ATP1A3: variants seen among roughly 807,000 people sequenced by gnomAD.
ATP1A3 encodes the protein ATPase Na+/K+ transporting subunit alpha 3.
In ATP1A3, 12 loss-of-function variants were observed where a neutral mutation model predicts 108.8. That is an observed-to-expected ratio of 0.11 (90% CI 0.07 to 0.18). ATP1A3 has a LOEUF of 0.18. Ranked by LOEUF, ATP1A3 falls within the 10% of genes least tolerant of loss-of-function variation. ATP1A3 has a pLI of 1.00. For missense variants in ATP1A3, 498 were observed against 1,387.7 expected, an observed-to-expected ratio of 0.36 and a Z score of 10.19; for synonymous variants, 539 against 564.5, an observed-to-expected ratio of 0.95 and a Z score of 0.64.
At chr19:41,982,483 G>A (rs1196115738) in intron 8 of ATP1A3, among the ~76,000 whole-genome samples, 2 of 152,032 alleles carry the variant, frequency 1.3e-5, no homozygotes, top group Non-Finnish European at 2.9e-5. Flanking sequence ...GAAATTAGCA[G>A]GGCATGATGG....
In ATP1A3 at chr19:41,984,956, C is replaced by T; in HGVS notation, c.955G>A (p.Val319Met). The T allele has an allele frequency of 6.2e-7, 1 of 1,613,828 alleles. No homozygotes were observed. The highest frequency in any genetic ancestry group is 8.5e-7 in the Non-Finnish European group (1 of 1,179,912). Residue 319 changes from valine (V) to methionine (M), a missense_variant, in exon 8 of 23, where the codon GTG becomes ATG. Val to Met is a conservative substitution (Grantham distance 21). Transcript: ENST00000648268. ...EAVIFLIGII[V>M]ANVPEGLLAT... ...AGCAGACCCTCTGGGACATTGGCCACGATGATGCCGATGAGGAAGATGACA... is the reference window on the plus strand; with the variant it reads ...AGCAGACCCTCTGGGACATTGGCCATGATGATGCCGATGAGGAAGATGACA...
Position 41,976,531 on chromosome 19 carries a change from A to T in ATP1A3, c.1979T>A (p.Leu660His). ...GATTTGCTCGGAGGTGAAGTCCTTG[A>T]GGTCGGTGCCGTGGATCACGCAGGC... Reference protein sequence around the residue: ...AKACVIHGTDLKDFTSEQIDE... With the variant: ...AKACVIHGTDHKDFTSEQIDE... The change falls in exon 15 of 23, where the codon CTC becomes CAC. Residue 660 changes from leucine (L) to histidine (H), a missense_variant. Leu to His is a moderately conservative substitution (Grantham distance 99). Transcript: ENST00000648268. 1 of 1,614,134 alleles carries T rather than the reference A, an allele frequency of 6.2e-7. No individual in the cohort carries two copies. The highest frequency in any genetic ancestry group is 1.6e-4 in the Middle Eastern group (1 of 6,062).
chr19:41,991,678 G>T (rs1277601488), intron 1 of ATP1A3, among the ~76,000 whole-genome samples: 1 of 152,144 alleles, frequency 6.6e-6, no homozygotes, highest in Non-Finnish European at 1.5e-5. Flanking sequence ...GATGCTCGGG[G>T]CCCCATAAAT....
chr19:41,968,909 C>T lies in ATP1A3; in HGVS notation c.2695G>A (p.Glu899Lys). The T allele has an allele frequency of 1.2e-6, 2 of 1,613,834 alleles. No individual in the cohort carries two copies. Among genetic ancestry groups the T allele is most frequent in the Non-Finnish European group, 1.7e-6 (2 of 1,179,818 alleles). ...EDSYGQQWTY[E>K]QRKVVEFTCH... is the part of the protein sequence containing the mutation. ...GTGAACTCCACCACCTTCCTCTGCT[C>T]GTATGTCTGCAGGAGCGGTGACCAG... The change falls in exon 20 of 23, where the codon GAG becomes AAG. Residue 899 changes from glutamate to lysine, a missense_variant. Glu to Lys is a moderately conservative substitution (Grantham distance 56). Around this residue, in one of 9 missense-constraint regions of ATP1A3, gnomAD observed 121 missense variants for 425.1 expected, o/e 0.28. Transcript: ENST00000648268. This position sits in a 1 kb window ranked among gnomAD's most constrained non-coding sequence, Gnocchi z 5.0.
At chr19:41,986,464 A>T in intron 4 of ATP1A3, 1 of 419,088 alleles carries the variant, frequency 2.4e-6, no homozygotes, top group Non-Finnish European at 4.5e-6. Context: ...TTTTTTTGAG[A>T]CAGAGTCTCA....
At chr19:41,983,116 C>T (rs528050914) in intron 8 of ATP1A3, among the ~76,000 whole-genome samples, 1 of 151,814 alleles carries the variant, frequency 6.6e-6, no homozygotes, top group South Asian at 2.1e-4. Flanking sequence ...CTTGCTCTGT[C>T]GTCCAGGCTG....
Position 41,970,198 on chromosome 19 carries a change from G to A in ATP1A3, c.2529C>T (p.Ala843=). ...KLVNERLISM[A]YGQIGMIQAL... is the part of the protein sequence containing the mutation. ...CCGGTGCCTCACCAATCTGCCCGTAGGCCATGCTGATGAGTCTCTCATTGA... is the reference window on the plus strand; with the variant it reads ...CCGGTGCCTCACCAATCTGCCCGTAAGCCATGCTGATGAGTCTCTCATTGA... The change falls in exon 18 of 23, where the codon GCC becomes GCT. Residue 843 remains alanine (A), a synonymous_variant. Transcript: ENST00000648268. 1.2e-6 allele frequency: 2 copies of A among 1,614,254 alleles called. No homozygotes were observed. Among genetic ancestry groups the A allele is most frequent in the Middle Eastern group, 1.6e-4 (1 of 6,062 alleles).
At chr19:41,987,162 C>G (rs1186878391) in intron 4 of ATP1A3, among the ~76,000 whole-genome samples, 4 of 152,198 alleles carry the variant, frequency 2.6e-5, no homozygotes, top group African/African-American at 9.7e-5. Context: ...TACAAGGCAG[C>G]TTCTTTGGTT....
rs2075197609 is a variant in ATP1A3 at position 41,978,602 on chromosome 19, G to A, written c.1630+4C>T. On this transcript the variant is annotated splice_donor_region_variant and intron_variant, in intron 12 of 22. Coordinates refer to ENST00000648268, the MANE Select transcript of ATP1A3 (RefSeq NM_152296.5). This position sits in a 1 kb window ranked among gnomAD's most constrained non-coding sequence, Gnocchi z 8.3. ...ACCCCAGAGCCCGCCCGGCAGCCTC[G>A]CACCAAGCACGCGCTCGCCCAGGCC... 3.1e-6 allele frequency: 5 copies of A among 1,612,884 alleles called. No homozygotes were observed. The highest frequency in any genetic ancestry group is 2.5e-6 in the Non-Finnish European group (3 of 1,179,956).
At chr19:41,969,617 G>T (rs782661950) in intron 18 of ATP1A3, 37 bp from the exon 19 acceptor site, 1 of 1,612,052 alleles carries the variant, frequency 6.2e-7, no homozygotes, top group East Asian at 2.2e-5. Context: ...GAGAGGCTCA[G>T]ATTGGGGCCA....
intron 18 of ATP1A3, among the ~76,000 whole-genome samples, chr19:41,969,814 A>T (rs1195831143): frequency 6.6e-6 from 1 of 152,202 alleles, no homozygotes; most frequent in Non-Finnish European, 1.5e-5. Flanking sequence ...CCAGAGGGAT[A>T]ACCTGGAGCC....
chr19:41,977,386 G>A (rs758219777), intron 14 of ATP1A3, among the ~76,000 whole-genome samples: 1 of 151,984 alleles, frequency 6.6e-6, no homozygotes. Context: ...GCTTGTGAGC[G>A]GTATAAGCTG....
chr19:41,970,906 A>G (rs2075099802), intron 16 of ATP1A3, among the ~76,000 whole-genome samples: 1 of 151,708 alleles, frequency 6.6e-6, no homozygotes, highest in Non-Finnish European at 1.5e-5. Flanking sequence ...TGCTGGGATT[A>G]CAGGCGTGAG....
intron 19 of ATP1A3, 150 bp from the exon 20 acceptor site, chr19:41,969,065 C>T (rs963835048): frequency 8.2e-7 from 1 of 1,218,854 alleles, no homozygotes; most frequent in Non-Finnish European, 1.2e-6. Flanking sequence ...GGCTCATAGT[C>T]CCGAGGGAGG....
At chr19:41,989,987 G>A (rs1555866790) in intron 1 of ATP1A3, among the ~76,000 whole-genome samples, 1 of 152,050 alleles carries the variant, frequency 6.6e-6, no homozygotes, top group Non-Finnish European at 1.5e-5. Flanking sequence ...TCTTGGCTGT[G>A]TCTCCCCAGG....
In ATP1A3 at chr19:41,967,602, A is replaced by G. The variant is rs560555499; in HGVS notation, c.2921+60T>C. On this transcript the variant is annotated intron_variant, in intron 21 of 22. Transcript: ENST00000648268. This position sits in a 1 kb window ranked among gnomAD's most constrained non-coding sequence, Gnocchi z 4.2. ...GGGGCCTGAGGTTCAGGCTGAGTCT[A>G]AGGGAAGGCTCCATGGCAGGCGCTG... 2 of 1,565,126 alleles carry G rather than the reference A, an allele frequency of 1.3e-6. No individual in the cohort carries two copies. The highest frequency in any genetic ancestry group is 3.5e-5 in the Admixed American group (2 of 57,176).
chr19:41,977,147 A>C (rs1555861613), intron 14 of ATP1A3, among the ~76,000 whole-genome samples: 1 of 151,882 alleles, frequency 6.6e-6, no homozygotes, highest in Admixed American at 6.6e-5. Context: ...TAAATGGACA[A>C]GCTGAAGGAA....
intron 16 of ATP1A3, 36 bp from the exon 17 acceptor site, chr19:41,970,578 C>A (rs1166404410): frequency 6.2e-7 from 1 of 1,612,340 alleles, no homozygotes; most frequent in Non-Finnish European, 8.5e-7. Context: ...GGCGCCCATG[C>A]CAGGGAGCCC....
chr19:41,989,913 G>T (rs2075320838), intron 1 of ATP1A3, among the ~76,000 whole-genome samples: 1 of 151,842 alleles, frequency 6.6e-6, no homozygotes, highest in South Asian at 2.1e-4. Context: ...GTCTTTCTAT[G>T]ATTTTGTCTC....
Sources: gnomAD v4.1 joint callset for allele counts (sites outside exome capture counted in the v4.1 genomes callset) on GRCh38, gnomAD v4.1.1 for gene constraint, gnomAD v4.1.1 regional missense constraint, Gnocchi (gnomAD v3.1) non-coding constraint, MANE v1.5 for transcripts, NCBI Gene and HGNC (gene_info 2026-07-23, HGNC 2026-07-21) for gene names.